Variants in SLC4A3 observed in about 807,000 individuals in gnomAD.
The protein encoded by SLC4A3 is solute carrier family 4 member 3.
Under a neutral mutation model 114.2 loss-of-function variants are expected in SLC4A3, and 47 were observed. That is an observed-to-expected ratio of 0.41 (90% confidence interval 0.33 to 0.52). The LOEUF is 0.52. Ranked by LOEUF, SLC4A3 falls within the 20% of genes least tolerant of loss-of-function variation. SLC4A3 has a pLI of 0.21. For missense variants in SLC4A3, 1,312 were observed against 1,668.3 expected, an observed-to-expected ratio of 0.79 and a Z score of 3.72; for synonymous variants, 693 against 710.3, an observed-to-expected ratio of 0.98 and a Z score of 0.39.
chr2:219,629,169 C>A lies in SLC4A3; in HGVS notation c.243C>A (p.Thr81=), dbSNP rs756807683. Reference sequence around the variant, plus strand: ...TTCACCGGCACACATCCCACCACACCCACCACCCGCTCTCAGCGCGCCTGC... The same window carrying A: ...TTCACCGGCACACATCCCACCACACACACCACCCGCTCTCAGCGCGCCTGC... The part of the protein sequence containing the change: ...FEFHRHTSHH[T]HHPLSARLPP... Residue 81 remains threonine (T), a synonymous_variant, in exon 4 of 23, where the codon ACC becomes ACA. Coordinates refer to ENST00000358055, the MANE Select transcript of SLC4A3 (RefSeq NM_005070.4). 3 of 1,605,542 alleles carry A rather than the reference C, an allele frequency of 1.9e-6. No individual in the cohort carries two copies. Among genetic ancestry groups the A allele is most frequent in the Non-Finnish European group, 1.7e-6 (2 of 1,175,660 alleles).
Position 219,635,900 on chromosome 2 carries a change from C to A in SLC4A3, c.2191+9C>A. The stretch of plus-strand genomic sequence containing the variant: ...CTTCGGGGGGCTGCTGGGTAAGGGA[C>A]TGGGGCTTGGGGAGTTGAGGGGCTC... On this transcript the variant is annotated intron_variant, in intron 14 of 22. Coordinates refer to ENST00000358055, the MANE Select transcript of SLC4A3 (RefSeq NM_005070.4). 6.7e-7 allele frequency: 1 copy of A among 1,493,414 alleles called. No individual in the cohort carries two copies. The highest frequency in any genetic ancestry group is 1.4e-5 in the South Asian group (1 of 72,050). 92.5% of individuals were successfully genotyped at this position (1,493,414 alleles called of 1,614,324 possible).
At chr2:219,634,990 GA>G (rs1699065629) in intron 12 of SLC4A3, among the ~76,000 whole-genome samples, 1 of 152,156 alleles carries the variant, frequency 6.6e-6, no homozygotes, top group African/African-American at 2.4e-5. Flanking sequence ...AATGGCTCTG[GA>G]AGCCCCTGCT....
Position 219,638,706 on chromosome 2 carries a change from C to T in SLC4A3, c.2860C>T (p.Leu954=), listed in dbSNP as rs1297643680. The T allele has an allele frequency of 6.2e-7, 1 of 1,613,860 alleles. No individual in the cohort carries two copies. Among genetic ancestry groups the T allele is most frequent in the African/African-American group, 1.3e-5 (1 of 75,050 alleles). The change falls in exon 19 of 23, where the codon CTG becomes TTG. Residue 954 remains leucine (L), a synonymous_variant. Transcript: ENST00000358055. This position sits in a 1 kb window ranked among gnomAD's most constrained non-coding sequence, Gnocchi z 7.5. ...ACCCTGTTTTCCTGCCATGCAGAAG[C>T]TGACAGTGCCTACAGGGCTCTCAGT... The part of the protein sequence containing the change: ...YSITDTYTQK[L]TVPTGLSVTS...
rs1698792379 is a variant in SLC4A3, at chr2:219,628,324, C to G, written c.52-81C>G. 4 of 1,421,490 alleles carry G rather than the reference C, an allele frequency of 2.8e-6. No homozygotes were observed. In the Admixed American group the frequency reaches 8.1e-5, roughly 29 times the overall value. The allele number at this position is 1,421,490 out of a possible 1,614,324, so 88.1% of individuals were successfully genotyped here. On this transcript the variant is annotated intron_variant, in intron 2 of 22. Coordinates refer to ENST00000358055, the MANE Select transcript of SLC4A3 (RefSeq NM_005070.4). This position sits in a 1 kb window ranked among gnomAD's most constrained non-coding sequence, Gnocchi z 4.8. The stretch of plus-strand genomic sequence containing the variant: ...ATGGTGTGAGAGCCTGCTGAGCTCC[C>G]CCAACTAGGGCTTGGAGTTGGGGTG...
Position 219,631,888 on chromosome 2 carries a change from G to C in SLC4A3, c.812-80G>C. On this transcript the variant is annotated intron_variant, in intron 6 of 22. Transcript: ENST00000358055. This position sits in a 1 kb window ranked among gnomAD's most constrained non-coding sequence, Gnocchi z 6.3. ...GACTGTAGAGCTCACCAAGTAGATG[G>C]GTTGGGCAGAAGGAGCTGGGCCGTG... 6.8e-7 allele frequency: 1 copy of C among 1,465,428 alleles called. No individual in the cohort carries two copies. Among genetic ancestry groups the C allele is most frequent in the Non-Finnish European group, 9.2e-7 (1 of 1,087,456 alleles). The allele number at this position is 1,465,428 out of a possible 1,614,324, so 90.8% of individuals were successfully genotyped here.
Position 219,636,284 on chromosome 2 carries a change from C to T in SLC4A3, c.2192-18C>T, listed in dbSNP as rs201634697. 54 of 1,612,922 alleles carry T rather than the reference C, an allele frequency of 3.3e-5. No individual in the cohort carries two copies. The highest frequency in any genetic ancestry group is 4.0e-5 in the African/African-American group (3 of 75,026). ...TAGACAGAGCCAGGCTAGGGCCATC[C>T]TACCCGTGCTATGGCAGGAGAGAAG... On this transcript the variant is annotated intron_variant, in intron 14 of 22. Coordinates refer to ENST00000358055, the MANE Select transcript of SLC4A3 (RefSeq NM_005070.4). This position sits in a 1 kb window ranked among gnomAD's most constrained non-coding sequence, Gnocchi z 5.5.
At position 219,639,417 on chromosome 2, in the gene SLC4A3, T is replaced by G; in HGVS notation, c.3024-65T>G. The G allele has an allele frequency of 6.4e-7, 1 of 1,566,494 alleles. No homozygotes were observed. Among genetic ancestry groups the G allele is most frequent in the Non-Finnish European group, 8.7e-7 (1 of 1,153,372 alleles). On this transcript the variant is annotated intron_variant, in intron 19 of 22. Coordinates refer to ENST00000358055, the MANE Select transcript of SLC4A3 (RefSeq NM_005070.4). This position sits in a 1 kb window ranked among gnomAD's most constrained non-coding sequence, Gnocchi z 5.9. ...CCCCACCATCTCGTCTCTGTGTGCG[T>G]GCCTGTCTTTGTCCCCTGCCCCTGC...
chr2:219,637,781 G>A lies in SLC4A3; in HGVS notation c.2736G>A (p.Lys912=). ...TCTTCATAGCCTTCTTCCTGCGCAA[G>A]TTCAGGAACAGCCGCTTCCTGGGGG... ...GTFFIAFFLR[K]FRNSRFLGGK... Residue 912 remains lysine (K), a synonymous_variant, in exon 17 of 23, where the codon AAG becomes AAA. Coordinates refer to ENST00000358055, the MANE Select transcript of SLC4A3 (RefSeq NM_005070.4). The surrounding 1 kb of genome is among the most constrained non-coding windows in gnomAD (Gnocchi z 4.6). 1 of 1,613,922 alleles carries A rather than the reference G, an allele frequency of 6.2e-7. No individual in the cohort carries two copies. Among genetic ancestry groups the A allele is most frequent in the South Asian group, 1.1e-5 (1 of 91,084 alleles).
In SLC4A3 at chr2:219,630,393, C is replaced by T. The variant is rs369238291; in HGVS notation, c.811+41C>T. On this transcript the variant is annotated intron_variant, in intron 6 of 22. Transcript: ENST00000358055. The surrounding 1 kb of genome is among the most constrained non-coding windows in gnomAD (Gnocchi z 6.9). ...TGGCAGCCCCCATGGTCCACTGCGA[C>T]GGACTCCCAGCCTGCGAGTGACCTT... The T allele has an allele frequency of 5.6e-5, 87 of 1,555,506 alleles. 1 individual carries two copies. The highest frequency in any genetic ancestry group is 2.8e-4 in the South Asian group (24 of 84,844).
rs749472834 is a variant in SLC4A3, at chr2:219,635,694, G to C, written c.1994G>C (p.Gly665Ala). 1 of 1,589,552 alleles carries C rather than the reference G, an allele frequency of 6.3e-7. No homozygotes were observed. The highest frequency in any genetic ancestry group is 8.5e-7 in the Non-Finnish European group (1 of 1,170,938). Reference sequence around the variant, plus strand: ...CCAGAACTGTCTTTGGAGTTGGGGGGCTCTGAGGCAACCCCTGAAGATGAC... The same window carrying C: ...CCAGAACTGTCTTTGGAGTTGGGGGCCTCTGAGGCAACCCCTGAAGATGAC... ...PGKELSLELG[G>A]SEATPEDDPL... The change falls in exon 14 of 23, where the codon GGC becomes GCC. Residue 665 changes from glycine (G) to alanine (A), a missense_variant. This residue lies in a region of SLC4A3 where 771 missense variants were observed against 977.7 expected (regional missense o/e 0.79). Coordinates refer to ENST00000358055, the MANE Select transcript of SLC4A3 (RefSeq NM_005070.4).
Position 219,641,817 on chromosome 2 carries a change from T to C in SLC4A3, c.*89T>C. On this transcript the variant is annotated 3_prime_UTR_variant, in exon 23 of 23. Coordinates refer to ENST00000358055, the MANE Select transcript of SLC4A3 (RefSeq NM_005070.4). This position sits in a 1 kb window ranked among gnomAD's most constrained non-coding sequence, Gnocchi z 4.0. ...AGAGCCCAGCCCTGGGCTGGGGGGC[T>C]CCTCAGGACCCAGAGATGTGCCTGG... 9.3e-7 allele frequency: 1 copy of C among 1,075,226 alleles called. No individual in the cohort carries two copies. Among genetic ancestry groups the C allele is most frequent in the Non-Finnish European group, 1.4e-6 (1 of 704,662 alleles). The allele number at this position is 1,075,226 out of a possible 1,614,324, so 66.6% of individuals were successfully genotyped here. A position where few individuals can be genotyped will look rare whatever the true frequency, so the allele number is the denominator to read the frequency against.
In SLC4A3 at chr2:219,635,789, C is replaced by A; in HGVS notation, c.2089C>A (p.Pro697Thr). The A allele has an allele frequency of 6.3e-7, 1 of 1,594,266 alleles. No individual in the cohort carries two copies. Reference protein sequence around the residue: ...RDVRRRYPHYPSDLRDALHSQ... With the variant: ...RDVRRRYPHYTSDLRDALHSQ... ...TGTGAGGCGCCGGTACCCGCACTAC[C>A]CCAGTGACCTGCGAGATGCGCTGCA... Residue 697 changes from proline to threonine, a missense_variant, in exon 14 of 23, where the codon CCC becomes ACC. Pro to Thr is a conservative substitution (Grantham distance 38). This residue lies in a region of SLC4A3 where 771 missense variants were observed against 977.7 expected (regional missense o/e 0.79). Transcript: ENST00000358055.
chr2:219,628,135 A>AC lies in SLC4A3; in HGVS notation c.51+98dup. The stretch of plus-strand genomic sequence containing the variant: ...GAGGAGTCCTCTGGCCGACCCCGGG[A>AC]CCCCCCAGATCCAGGGATGAGCTGG... On this transcript the variant is annotated intron_variant, in intron 2 of 22. Transcript: ENST00000358055. This position sits in a 1 kb window ranked among gnomAD's most constrained non-coding sequence, Gnocchi z 4.8. 2 of 1,074,408 alleles carry AC rather than the reference A, an allele frequency of 1.9e-6. No homozygotes were observed. The highest frequency in any genetic ancestry group is 1.3e-6 in the Non-Finnish European group (1 of 770,960). The allele number at this position is 1,074,408 out of a possible 1,614,324, so 66.6% of individuals were successfully genotyped here.
Position 219,635,897 on chromosome 2 carries a change from G to T in SLC4A3, c.2191+6G>T. The T allele has an allele frequency of 6.7e-7, 1 of 1,497,442 alleles. No homozygotes were observed. The highest frequency in any genetic ancestry group is 8.9e-7 in the Non-Finnish European group (1 of 1,127,294). 92.8% of individuals were successfully genotyped at this position (1,497,442 alleles called of 1,614,324 possible). A position where few individuals can be genotyped will look rare whatever the true frequency, so the allele number is the denominator to read the frequency against. ...CACCTTCGGGGGGCTGCTGGGTAAG[G>T]GACTGGGGCTTGGGGAGTTGAGGGG... On this transcript the variant is annotated splice_donor_region_variant and intron_variant, in intron 14 of 22. Coordinates refer to ENST00000358055, the MANE Select transcript of SLC4A3 (RefSeq NM_005070.4).
At position 219,632,306 on chromosome 2, in the gene SLC4A3, G is replaced by C. The variant is rs1698954440; in HGVS notation, c.1005G>C (p.Glu335Asp). 1 of 1,614,026 alleles carries C rather than the reference G, an allele frequency of 6.2e-7. No homozygotes were observed. Among genetic ancestry groups the C allele is most frequent in the Non-Finnish European group, 8.5e-7 (1 of 1,180,038 alleles). The change falls in exon 8 of 23, where the codon GAG becomes GAC. Residue 335 changes from glutamate (E) to aspartate (D), a missense_variant. Glu to Asp is a conservative substitution (Grantham distance 45, BLOSUM62 2). Around this residue, in one of 4 missense-constraint regions of SLC4A3, gnomAD observed 771 missense variants for 977.7 expected, o/e 0.79. Coordinates refer to ENST00000358055, the MANE Select transcript of SLC4A3 (RefSeq NM_005070.4). ...AGCTGATGCTGGACCGCAGCCAGGA[G>C]CCCCACTGGCGGGAGACGGCCCGCT... is the stretch of plus-strand genomic sequence containing the variant. The part of the protein sequence containing the change: ...LNELMLDRSQ[E>D]PHWRETARWI...
At chr2:219,635,050 C>T (rs975159892) in intron 12 of SLC4A3, among the ~76,000 whole-genome samples, 2 of 152,148 alleles carry the variant, frequency 1.3e-5, no homozygotes, top group African/African-American at 2.4e-5. Context: ...TCTGGCATCT[C>T]CTGGGGGAAT....
At position 219,630,308 on chromosome 2, in the gene SLC4A3, C is replaced by T. The variant is rs772225713; in HGVS notation, c.767C>T (p.Ala256Val). ...GPEQQVPTDE[A>V]EAQMLGSADL... ...GAGCAGCAGGTGCCCACAGATGAGG[C>T]GGAGGCCCAGATGCTGGGTTCTGCA... Residue 256 changes from alanine to valine, a missense_variant, in exon 6 of 23, where the codon GCG becomes GTG. Ala to Val is a moderately conservative substitution (Grantham distance 64). Transcript: ENST00000358055. The surrounding 1 kb of genome is among the most constrained non-coding windows in gnomAD (Gnocchi z 6.9). 3.9e-5 allele frequency: 63 copies of T among 1,612,092 alleles called. No individual in the cohort carries two copies. The highest frequency in any genetic ancestry group is 4.5e-5 in the East Asian group (2 of 44,836).
In SLC4A3 at chr2:219,640,469, C is replaced by A; in HGVS notation, c.3317C>A (p.Pro1106Gln). Residue 1106 changes from proline to glutamine, a missense_variant, in exon 21 of 23, where the codon CCA becomes CAA. This residue lies in a region of SLC4A3 where 301 missense variants were observed against 460.7 expected (regional missense o/e 0.65). Transcript: ENST00000358055. ...IVMGAVLRRIPLAVLFGIFLY... is the reference protein window; with the variant it reads ...IVMGAVLRRIQLAVLFGIFLY... ...ATGGGGGCTGTGCTGCGTCGGATCC[C>A]ATTGGCTGTGCTCTTTGGGATCTTC... 2 of 1,614,124 alleles carry A rather than the reference C, an allele frequency of 1.2e-6. No homozygotes were observed. Among genetic ancestry groups the A allele is most frequent in the Non-Finnish European group, 1.7e-6 (2 of 1,180,010 alleles).
chr2:219,629,090 G>T, intron 3 of SLC4A3, 54 bp from the exon 4 acceptor site: 1 of 1,517,844 alleles, frequency 6.6e-7, no homozygotes. Context: ...CCTCGGGTGG[G>T]GAGGGCCCCT....
Sources: gnomAD v4.1 joint callset for allele counts (sites outside exome capture counted in the v4.1 genomes callset) on GRCh38, gnomAD v4.1.1 for gene constraint, gnomAD v4.1.1 regional missense constraint, Gnocchi (gnomAD v3.1) non-coding constraint, MANE v1.5 for transcripts, NCBI Gene and HGNC (gene_info 2026-07-23, HGNC 2026-07-21) for gene names.